Variants in SLC18A1 observed in about 807,000 individuals in gnomAD.
SLC18A1 encodes chromaffin granule amine transporter.
SLC18A1 carries 69 observed loss-of-function variants against 53.7 expected under a neutral mutation model. That is an observed-to-expected ratio of 1.28 (90% CI 1.06 to 1.57). The LOEUF is 1.57. SLC18A1 is among the 40% of genes most tolerant of loss of function. The pLI is 0.00. For missense variants in SLC18A1, 932 were observed against 668.1 expected, an observed-to-expected ratio of 1.40 and a Z score of -4.35; for synonymous variants, 320 against 248.1, an observed-to-expected ratio of 1.29 and a Z score of -2.72.
At chr8:20,154,650 A>T (rs535585005) in intron 10 of SLC18A1, among the ~76,000 whole-genome samples, 1 of 152,342 alleles carries the variant, frequency 6.6e-6, no homozygotes, top group Non-Finnish European at 1.5e-5. Context: ...AGAGAAAAGG[A>T]TGAGGGCATA....
chr8:20,171,575 G>A, intron 6 of SLC18A1, 81 bp from the exon 7 acceptor site: 1 of 1,151,312 alleles, frequency 8.7e-7, no homozygotes, highest in Middle Eastern at 2.0e-4. Context: ...TACCCCGTGA[G>A]CATTTGCAGA....
At chr8:20,167,366 T>C (rs1430444375) in intron 8 of SLC18A1, among the ~76,000 whole-genome samples, 3 of 152,160 alleles carry the variant, frequency 2.0e-5, no homozygotes, top group Non-Finnish European at 4.4e-5. Context: ...TACAAGTAAG[T>C]AAATTTTTTA....
rs1433856499 is a variant in SLC18A1, at chr8:20,174,369, G to A, written c.623C>T (p.Ser208Phe). The A allele has an allele frequency of 7.4e-6, 12 of 1,613,122 alleles. No homozygotes were observed. In the South Asian group the frequency reaches 7.7e-5, roughly 10 times the overall value. ...TGAGTTGCCAGTGTTACCTGCAACA[G>A]ATGAAAATGAAGATCCAATGCCTTG... is the stretch of plus-strand genomic sequence containing the variant. Reference protein sequence around the residue: ...TLQGIGSSFSSVAGLGMLASV... With the variant: ...TLQGIGSSFSFVAGLGMLASV... Residue 208 changes from serine (S) to phenylalanine (F), a missense_variant, in exon 5 of 16, where the codon TCT becomes TTT. Ser to Phe is a radical substitution (Grantham distance 155). Transcript: ENST00000276373.
rs2071433293 is a variant in SLC18A1 at position 20,147,588 on chromosome 8, G to C, written c.1330+15C>G. ...TAGACAGGGGAAAGTGGGGCACCAGGTCCTGCCAACATACCTATAGCAAAG... is the reference window on the plus strand; with the variant it reads ...TAGACAGGGGAAAGTGGGGCACCAGCTCCTGCCAACATACCTATAGCAAAG... On this transcript the variant is annotated intron_variant, in intron 14 of 15. Transcript: ENST00000276373. 1 of 1,613,736 alleles carries C rather than the reference G, an allele frequency of 6.2e-7. No individual in the cohort carries two copies. Among genetic ancestry groups the C allele is most frequent in the Admixed American group, 1.7e-5 (1 of 59,996 alleles).
rs60330468 is a variant in SLC18A1, at chr8:20,149,589, C to CCTCTCTCT, written c.1146+79_1146+86dup. On this transcript the variant is annotated intron_variant, in intron 12 of 15. Coordinates refer to ENST00000276373, the MANE Select transcript of SLC18A1 (RefSeq NM_003053.4). ...CTGTGTCTTTCTCTCTCTCTCTCTCCCTCTCTCTCTCTCTCTCTCTCTCTC... is the reference window on the plus strand; with the variant it reads ...CTGTGTCTTTCTCTCTCTCTCTCTCCCTCTCTCTCTCTCTCTCTCTCTCTCTCTCTCTC... 9.1e-4 allele frequency: 721 copies of CCTCTCTCT among 791,798 alleles called. 5 individuals are homozygous for CCTCTCTCT. The African/African-American group carries it at 0.012, about 13-fold the overall frequency. The allele number at this position is 791,798 out of a possible 1,614,324, so 49.0% of individuals were successfully genotyped here. A position where few individuals can be genotyped will look rare whatever the true frequency, so the allele number is the denominator to read the frequency against.
intron 2 of SLC18A1, 48 bp from the exon 3 acceptor site, chr8:20,179,532 C>A: frequency 6.4e-7 from 1 of 1,558,886 alleles, no homozygotes; most frequent in Middle Eastern, 2.4e-4. Flanking sequence ...CCGATGTCAT[C>A]TTACCACTGA....
chr8:20,163,316 G>A (rs555926201), intron 10 of SLC18A1, among the ~76,000 whole-genome samples: 1 of 152,276 alleles, frequency 6.6e-6, no homozygotes, highest in East Asian at 1.9e-4. Context: ...CACTTCTCAA[G>A]ACTGTTGCAC....
In SLC18A1 at chr8:20,172,360, G is replaced by A. The variant is rs368134156; in HGVS notation, c.724+676C>T. 1.3e-4 allele frequency among the ~76,000 whole-genome samples: 20 copies of A among 152,328 alleles called. No homozygotes were observed. In the East Asian group the frequency reaches 1.5e-3, roughly 12 times the overall value. On this transcript the variant is annotated intron_variant, in intron 6 of 15. Coordinates refer to ENST00000276373, the MANE Select transcript of SLC18A1 (RefSeq NM_003053.4). ...GGGGCTAGAGGGTGGGGCATAGGCCGGGGAAGAAATTTCAGGTGTTTTGTT... is the reference window on the plus strand; with the variant it reads ...GGGGCTAGAGGGTGGGGCATAGGCCAGGGAAGAAATTTCAGGTGTTTTGTT...
rs71532226 is a variant in SLC18A1 at position 20,178,507 on chromosome 8, G to GA, written c.489-15dup. ...TGATATCCAATCCTAAAAGGGAATT[G>GA]AAAAAAAAAAAGATACAATTCCAAC... On this transcript the variant is annotated splice_polypyrimidine_tract_variant and intron_variant, in intron 3 of 15. Coordinates refer to ENST00000276373, the MANE Select transcript of SLC18A1 (RefSeq NM_003053.4). 0.024 allele frequency: 32,483 copies of GA among 1,362,400 alleles called. 3 individuals carry two copies. Among genetic ancestry groups the GA allele is most frequent in the South Asian group, 0.031 (2,122 of 68,548 alleles). 84.4% of individuals were successfully genotyped at this position (1,362,400 alleles called of 1,614,324 possible).
In SLC18A1 at chr8:20,147,997, C is replaced by G. The variant is rs766112465; in HGVS notation, c.1210+10G>C. ...AGGGGCTTATTGTTTTCTTTGAGGG[C>G]ACTTCTTACCTATGGCAAGGCCAAG... On this transcript the variant is annotated intron_variant, in intron 13 of 15. Coordinates refer to ENST00000276373, the MANE Select transcript of SLC18A1 (RefSeq NM_003053.4). 1.2e-6 allele frequency: 2 copies of G among 1,613,630 alleles called. No individual in the cohort carries two copies. The highest frequency in any genetic ancestry group is 2.7e-5 in the African/African-American group (2 of 74,910).
At chr8:20,147,878 C>T in intron 13 of SLC18A1, 129 bp downstream of exon 13, 1 of 1,433,902 alleles carries the variant, frequency 7.0e-7, no homozygotes. Context: ...TCTCCACAAC[C>T]CTGCCAGCTG....
rs189969136 is a variant in SLC18A1 at position 20,147,688 on chromosome 8, C to T, written c.1245G>A (p.Gly415=). 6 of 1,613,762 alleles carry T rather than the reference C, an allele frequency of 3.7e-6. No individual in the cohort carries two copies. The highest frequency in any genetic ancestry group is 1.3e-5 in the African/African-American group (1 of 75,030). ...MVDSSMMPIM[G]HLVDLRHTSV... is the part of the protein sequence containing the mutation. ...AGGTGTGGCGTAGATCCACCAGGTG[C>T]CCCATGATGGGCATCATAGAAGAAT... is the stretch of plus-strand genomic sequence containing the variant. The change falls in exon 14 of 16, where the codon GGG becomes GGA. Residue 415 remains glycine, a synonymous_variant. Transcript: ENST00000276373.
At chr8:20,152,403 G>C (rs960695938) in intron 10 of SLC18A1, among the ~76,000 whole-genome samples, 1 of 152,204 alleles carries the variant, frequency 6.6e-6, no homozygotes, top group African/African-American at 2.4e-5. Flanking sequence ...AGAGAAAAGT[G>C]ATGGTGCCTC....
Position 20,145,856 on chromosome 8 carries a change from G to T in SLC18A1, c.1485C>A (p.Cys495Ter), listed in dbSNP as rs769354895. 13 of 1,609,454 alleles carry T rather than the reference G, an allele frequency of 8.1e-6. No homozygotes were observed. Among genetic ancestry groups the T allele is most frequent in the Non-Finnish European group, 1.1e-5 (13 of 1,177,642 alleles). The stretch of plus-strand genomic sequence containing the variant: ...TTGCATACATCCGGGTCTCCATGGG[G>T]CAGTCCTGACTCAGAATAGCCTGCA... ...EEKLAILSQD[C>*]PMETRMYATQ... is the part of the protein sequence containing the mutation. The change falls in exon 16 of 16, where the codon TGC becomes TGA. Residue 495 changes from cysteine to a stop codon, truncating the protein, a stop_gained. Coordinates refer to ENST00000276373, the MANE Select transcript of SLC18A1 (RefSeq NM_003053.4). LOFTEE classifies it high-confidence loss of function.
rs1401073228 is a variant in SLC18A1 at position 20,144,973 on chromosome 8, G to T, written c.*790C>A. The T allele has an allele frequency of 6.6e-6, 1 of 152,064 alleles. No individual in the cohort carries two copies. The highest frequency in any genetic ancestry group is 1.5e-5 in the Non-Finnish European group (1 of 68,028). The allele number at this position is 152,064 out of a possible 1,614,324, so 9.4% of individuals were successfully genotyped here. On this transcript the variant is annotated 3_prime_UTR_variant, in exon 16 of 16. Transcript: ENST00000276373. The stretch of plus-strand genomic sequence containing the variant: ...GCAGTTTCTTTTAACTTCTTCCCAT[G>T]AAATCTTGGGTCTAATCAGTTATTT...
chr8:20,146,784 A>T (rs2071411751), intron 15 of SLC18A1, among the ~76,000 whole-genome samples: 1 of 150,654 alleles, frequency 6.6e-6, no homozygotes, highest in Non-Finnish European at 1.5e-5. Flanking sequence ...AGATCACACT[A>T]TTACACTCCA....
At chr8:20,149,595 TC>T in intron 12 of SLC18A1, 80 bp downstream of exon 12, 1 of 956,062 alleles carries the variant, frequency 1.0e-6, no homozygotes, top group Non-Finnish European at 1.5e-6. Flanking sequence ...TCTCCCTCTC[TC>T]TCTCTCTCTC....
intron 10 of SLC18A1, among the ~76,000 whole-genome samples, chr8:20,154,995 G>A (rs1419608310): frequency 6.6e-6 from 1 of 152,168 alleles, no homozygotes; most frequent in Admixed American, 6.5e-5. Flanking sequence ...TAAGTGCCCA[G>A]GTTCATCCTA....
chr8:20,154,336 C>T (rs1037419902), intron 10 of SLC18A1, among the ~76,000 whole-genome samples: 37 of 151,954 alleles, frequency 2.4e-4, no homozygotes, highest in African/African-American at 8.7e-4. Flanking sequence ...TTGAAGTCAC[C>T]AAAAATGGTG....
Sources: allele counts gnomAD v4.1 joint callset (sites outside exome capture counted in the v4.1 genomes callset), GRCh38; gene constraint gnomAD v4.1.1; transcripts MANE v1.5; gene names NCBI Gene and HGNC (gene_info 2026-07-23, HGNC 2026-07-21).